TTBK2: variants seen among roughly 807,000 people sequenced by gnomAD.
TTBK2 encodes the protein tau-tubulin kinase 2.
Under a neutral mutation model 110.8 loss-of-function variants are expected in TTBK2, and 28 were observed. The ratio of observed to expected loss-of-function variants is 0.25; its 90% CI spans 0.19 to 0.35. TTBK2 has a LOEUF of 0.35. Among genes scored for constraint, TTBK2 ranks in the 10% least tolerant of loss-of-function variants. The pLI is 1.00. For missense variants in TTBK2, 1,369 were observed against 1,500.3 expected, an observed-to-expected ratio of 0.91 and a Z score of 1.45; for synonymous variants, 532 against 527.3, an observed-to-expected ratio of 1.01 and a Z score of -0.12.
chr15:42,749,935 A>C (rs1008459662), intron 14 of TTBK2, among the ~76,000 whole-genome samples: 1 of 152,022 alleles, frequency 6.6e-6, no homozygotes, highest in African/African-American at 2.4e-5. Context: ...CAAACAAACA[A>C]ATTAGCTAGG....
intron 3 of TTBK2, among the ~76,000 whole-genome samples, chr15:42,851,392 G>A (rs1243872449): frequency 1.3e-5 from 2 of 152,162 alleles, no homozygotes; most frequent in Non-Finnish European, 2.9e-5. Context: ...GTTACAGTGT[G>A]TGGACTTTAC....
At position 42,886,882 on chromosome 15, in the gene TTBK2, C is replaced by T. The variant is rs924442016; in HGVS notation, c.-67-8198G>A. On this transcript the variant is annotated intron_variant, in intron 1 of 14. Transcript: ENST00000267890. ...TAAGTCGTGTCCCATCTGTGAGGGACGCCACTGGAAATTGGACTGTCCAAC... is the reference window on the plus strand; with the variant it reads ...TAAGTCGTGTCCCATCTGTGAGGGATGCCACTGGAAATTGGACTGTCCAAC... Among the ~76,000 whole-genome samples the T allele has an allele frequency of 5.9e-5, 9 of 152,304 alleles. No individual in the cohort carries two copies. The South Asian group carries it at 6.2e-4, about 11-fold the overall frequency.
chr15:42,916,935 C>A (rs2031111804), intron 1 of TTBK2, among the ~76,000 whole-genome samples: 1 of 152,004 alleles, frequency 6.6e-6, no homozygotes, highest in Admixed American at 6.6e-5. Context: ...TTTTCTAATT[C>A]AAACATTTTA....
chr15:42,752,232 T>A lies in TTBK2; in HGVS notation c.3014A>T (p.Glu1005Val), dbSNP rs757774197. The A allele has an allele frequency of 6.2e-7, 1 of 1,614,046 alleles. No individual in the cohort carries two copies. The highest frequency in any genetic ancestry group is 8.5e-7 in the Non-Finnish European group (1 of 1,179,980). The change falls in exon 14 of 15, where the codon GAG becomes GTG. Residue 1005 changes from glutamate to valine, a missense_variant. Glu to Val is a moderately radical substitution (Grantham distance 121). Coordinates refer to ENST00000267890, the MANE Select transcript of TTBK2 (RefSeq NM_173500.4). ...GGGAGCAGGAACAGTAGCTAGTTTC[T>A]CCTCTAGCAATTTATCAGAGGCACT... ...LSSASDKLLEEKLATVPAPFC... is the reference protein window; with the variant it reads ...LSSASDKLLEVKLATVPAPFC...
At chr15:42,831,518 C>A (rs979226208) in intron 4 of TTBK2, among the ~76,000 whole-genome samples, 1 of 152,172 alleles carries the variant, frequency 6.6e-6, no homozygotes, top group African/African-American at 2.4e-5. Flanking sequence ...TTCATGATTG[C>A]ACTGAAGCTT....
intron 3 of TTBK2, among the ~76,000 whole-genome samples, chr15:42,844,362 C>T (rs944682984): frequency 1.3e-5 from 2 of 152,076 alleles, no homozygotes; most frequent in African/African-American, 2.4e-5. Flanking sequence ...CAGGAGTTAC[C>T]AGCCTGGACA....
At chr15:42,915,948 A>G (rs534177288) in intron 1 of TTBK2, among the ~76,000 whole-genome samples, 3 of 152,184 alleles carry the variant, frequency 2.0e-5, no homozygotes, top group Admixed American at 2.0e-4. Flanking sequence ...TCTCCAAAAA[A>G]AGAAAGAAAG....
intron 7 of TTBK2, among the ~76,000 whole-genome samples, chr15:42,813,835 G>T (rs937457480): frequency 1.3e-5 from 2 of 151,328 alleles, no homozygotes; most frequent in African/African-American, 4.9e-5. Flanking sequence ...GAAGGAGGGC[G>T]AGAGAGCAGG....
intron 6 of TTBK2, among the ~76,000 whole-genome samples, chr15:42,825,205 G>C (rs1892477063): frequency 6.6e-6 from 1 of 152,140 alleles, no homozygotes; most frequent in Non-Finnish European, 1.5e-5. Context: ...GAAGTAGATT[G>C]GGTTAAATTT....
chr15:42,904,677 G>C (rs2141197870), intron 1 of TTBK2, among the ~76,000 whole-genome samples: 1 of 152,156 alleles, frequency 6.6e-6, no homozygotes, highest in South Asian at 2.1e-4. Flanking sequence ...TTGCTGGGTA[G>C]AAAAAGACTA....
At chr15:42,895,652 C>T (rs1895638578) in intron 1 of TTBK2, among the ~76,000 whole-genome samples, 1 of 151,858 alleles carries the variant, frequency 6.6e-6, no homozygotes, top group Non-Finnish European at 1.5e-5. Flanking sequence ...ATTCTCCTGC[C>T]TCAGCCTCCC....
chr15:42,763,157 C>CATATAT (rs1567008803), intron 13 of TTBK2, among the ~76,000 whole-genome samples: 506 of 20,424 alleles, frequency 0.025, 7 homozygotes, highest in Admixed American at 0.04. Context: ...TATATATATA[C>CATATAT]ATATATATAT....
rs574652216 is a variant in TTBK2, at chr15:42,910,596, A to G, written c.-68+9842T>C. On this transcript the variant is annotated intron_variant, in intron 1 of 14. Coordinates refer to ENST00000267890, the MANE Select transcript of TTBK2 (RefSeq NM_173500.4). ...AATTGTCACGAATACAGGGAAGAGA[A>G]AAAAGAAGCATAATGCATAGCTTTG... Among the ~76,000 whole-genome samples, 3 of 152,370 alleles carry G rather than the reference A, an allele frequency of 2.0e-5. No individual in the cohort carries two copies. The East Asian group carries it at 5.8e-4, about 29-fold the overall frequency.
At chr15:42,855,955 T>C (rs1042033381) in intron 3 of TTBK2, among the ~76,000 whole-genome samples, 3 of 152,224 alleles carry the variant, frequency 2.0e-5, no homozygotes, top group African/African-American at 7.2e-5. Context: ...GTGCTAGGAT[T>C]ACAGGCGTGA....
At chr15:42,905,791 T>C (rs752883644) in intron 1 of TTBK2, among the ~76,000 whole-genome samples, 12 of 152,084 alleles carry the variant, frequency 7.9e-5, no homozygotes, top group Non-Finnish European at 8.8e-5. Flanking sequence ...TACCTCAATT[T>C]CCTCATCTAT....
intron 1 of TTBK2, among the ~76,000 whole-genome samples, chr15:42,887,897 T>C (rs578036362): frequency 6.6e-6 from 1 of 151,834 alleles, no homozygotes; most frequent in African/African-American, 2.4e-5. Flanking sequence ...TCCTCATCTG[T>C]TACCTACCTC....
At chr15:42,753,985 T>C (rs1223382105) in intron 13 of TTBK2, among the ~76,000 whole-genome samples, 1 of 152,178 alleles carries the variant, frequency 6.6e-6, no homozygotes, top group Non-Finnish European at 1.5e-5. Flanking sequence ...ATGCATTTTG[T>C]TGTTTTCCAT....
intron 13 of TTBK2, among the ~76,000 whole-genome samples, chr15:42,768,350 A>G (rs1183298407): frequency 6.6e-6 from 1 of 152,272 alleles, no homozygotes; most frequent in Non-Finnish European, 1.5e-5. Context: ...ACATGATTGT[A>G]TATTTAGAAA....
At chr15:42,899,483 G>A (rs1895797804) in intron 1 of TTBK2, among the ~76,000 whole-genome samples, 1 of 151,412 alleles carries the variant, frequency 6.6e-6, no homozygotes, top group East Asian at 2.0e-4. Flanking sequence ...GCTCACGCCT[G>A]TAATCCCAGC....
Sources: allele counts gnomAD v4.1 joint callset (sites outside exome capture counted in the v4.1 genomes callset), GRCh38; gene constraint gnomAD v4.1.1; transcripts MANE v1.5; gene names NCBI Gene and HGNC (gene_info 2026-07-23, HGNC 2026-07-21).